Variants in TBC1D32 observed in about 807,000 individuals in gnomAD.
TBC1D32 encodes the protein TBC1 domain family member 32.
TBC1D32 carries 151 observed loss-of-function variants against 170.3 expected under a neutral mutation model. The ratio of observed to expected loss-of-function variants is 0.89; its 90% CI spans 0.78 to 1.01. The LOEUF is 1.01. TBC1D32 is among the 50% of genes least tolerant of loss of function. The pLI, the probability that TBC1D32 is intolerant of heterozygous loss-of-function variation, is 0.00. For missense variants in TBC1D32, 1,464 were observed against 1,457.1 expected (o/e 1.00, Z -0.08); for synonymous variants, 498 against 488.0 (o/e 1.02, Z -0.27).
intron 1 of TBC1D32, among the ~76,000 whole-genome samples, chr6:121,333,111 A>G (rs936476535): frequency 2.0e-5 from 3 of 152,190 alleles, no homozygotes; most frequent in African/African-American, 7.2e-5. Flanking sequence ...GGAGTTCCAG[A>G]TAAGTAGAAC....
intron 9 of TBC1D32, among the ~76,000 whole-genome samples, chr6:121,300,687 A>C (rs1806328193): frequency 1.3e-5 from 2 of 152,316 alleles, no homozygotes; most frequent in South Asian, 2.1e-4. Context: ...AAATTGACAA[A>C]TGGGACCTGA....
At chr6:121,329,755 G>T (rs1484523821) in intron 1 of TBC1D32, among the ~76,000 whole-genome samples, 2 of 151,964 alleles carry the variant, frequency 1.3e-5, no homozygotes, top group Non-Finnish European at 2.9e-5. Flanking sequence ...TTTATTAGTG[G>T]TTATGAATTG....
chr6:121,271,645 T>G (rs2128426045), intron 15 of TBC1D32, among the ~76,000 whole-genome samples: 1 of 152,246 alleles, frequency 6.6e-6, no homozygotes, highest in East Asian at 1.9e-4. Context: ...CATTCCATGG[T>G]CATGGATAGG....
At position 121,200,969 on chromosome 6, in the gene TBC1D32, A is replaced by G. The variant is rs556316066; in HGVS notation, c.2570+4106T>C. On this transcript the variant is annotated intron_variant, in intron 22 of 31. Coordinates refer to ENST00000398212, the MANE Select transcript of TBC1D32 (RefSeq NM_152730.6). ...GGAAAGGTAGAGATACATTAGGGTA[A>G]GACACACAATGGTGTCCAGAATTGC... Among the ~76,000 whole-genome samples, 72 of 151,616 alleles carry G rather than the reference A, an allele frequency of 4.7e-4. 1 individual carries two copies. Among genetic ancestry groups the G allele is most frequent in the African/African-American group, 1.6e-3 (67 of 40,888 alleles).
chr6:121,155,422 T>C (rs942058773), intron 24 of TBC1D32, among the ~76,000 whole-genome samples: 9 of 152,170 alleles, frequency 5.9e-5, no homozygotes, highest in African/African-American at 2.2e-4. Context: ...GTTTTCTATG[T>C]ATAGAATTGT....
chr6:121,191,017 T>A (rs1047479144), intron 22 of TBC1D32, among the ~76,000 whole-genome samples: 1 of 144,554 alleles, frequency 6.9e-6, no homozygotes, highest in Non-Finnish European at 1.5e-5. Flanking sequence ...TTTTACAAAC[T>A]CTAAGCAAAT....
At chr6:121,085,378 T>C (rs901175366) in intron 31 of TBC1D32, among the ~76,000 whole-genome samples, 3 of 147,446 alleles carry the variant, frequency 2.0e-5, no homozygotes, top group African/African-American at 4.9e-5. Flanking sequence ...TATGTGTATA[T>C]ATATATATAT....
At chr6:121,169,567 C>T (rs2651528) in intron 22 of TBC1D32, among the ~76,000 whole-genome samples, 144,501 of 152,236 alleles carry the variant, frequency 0.95, 68,992 homozygotes, top group Non-Finnish European at 1. Context: ...AATTAGGACA[C>T]GCATTATTTC....
At chr6:121,265,048 T>C (rs1800284371) in intron 15 of TBC1D32, among the ~76,000 whole-genome samples, 1 of 152,180 alleles carries the variant, frequency 6.6e-6, no homozygotes, top group Admixed American at 6.5e-5. Flanking sequence ...AACATAGTAT[T>C]GGAAGTTCTG....
intron 9 of TBC1D32, among the ~76,000 whole-genome samples, chr6:121,300,832 C>T (rs1177335952): frequency 6.6e-6 from 1 of 152,062 alleles, no homozygotes; most frequent in African/African-American, 2.4e-5. Flanking sequence ...AAAACTTAAA[C>T]AGATTTAGAA....
chr6:121,194,824 C>G (rs1402590438), intron 22 of TBC1D32, among the ~76,000 whole-genome samples: 1 of 152,160 alleles, frequency 6.6e-6, no homozygotes, highest in African/African-American at 2.4e-5. Context: ...CACACTGGTC[C>G]ATTACACTGA....
chr6:121,207,403 A>G (rs1792414175), intron 21 of TBC1D32, among the ~76,000 whole-genome samples: 1 of 152,014 alleles, frequency 6.6e-6, no homozygotes, highest in South Asian at 2.1e-4. Flanking sequence ...TGTTATAATA[A>G]AAATGATAGA....
chr6:121,210,911 T>G (rs997757400), intron 21 of TBC1D32, among the ~76,000 whole-genome samples: 4 of 152,174 alleles, frequency 2.6e-5, no homozygotes, highest in Non-Finnish European at 5.9e-5. Context: ...ACTGAACTTC[T>G]GACCTACAAA....
At chr6:121,112,743 T>C (rs1354191253) in intron 28 of TBC1D32, 84 bp from the exon 29 acceptor site, 1 of 1,177,842 alleles carries the variant, frequency 8.5e-7, no homozygotes, top group Non-Finnish European at 1.1e-6. Context: ...ATGAATATAT[T>C]AAATAAAAAG....
chr6:121,177,384 T>C (rs1409649209), intron 22 of TBC1D32, among the ~76,000 whole-genome samples: 1 of 152,156 alleles, frequency 6.6e-6, no homozygotes, highest in Non-Finnish European at 1.5e-5. Context: ...CGCTTGCTTC[T>C]CCTTTGCCTT....
At chr6:121,115,141 T>G in intron 27 of TBC1D32, 31 bp downstream of exon 27, 2 of 1,539,858 alleles carry the variant, frequency 1.3e-6, no homozygotes, top group Non-Finnish European at 1.8e-6. Context: ...ATTCTAGAAA[T>G]GCACAAGGGA....
intron 20 of TBC1D32, among the ~76,000 whole-genome samples, chr6:121,235,724 A>G (rs1195518448): frequency 1.3e-5 from 2 of 152,176 alleles, no homozygotes; most frequent in Non-Finnish European, 2.9e-5. Flanking sequence ...CATCTCAGTG[A>G]GCCTGCAGCA....
chr6:121,241,337 G>A, intron 19 of TBC1D32, 128 bp downstream of exon 19: 1 of 736,488 alleles, frequency 1.4e-6, no homozygotes, highest in Non-Finnish European at 2.2e-6. Flanking sequence ...TTTTACATAA[G>A]GTCTAACTTA....
chr6:121,263,537 C>T (rs546310801), intron 15 of TBC1D32, among the ~76,000 whole-genome samples: 24 of 151,972 alleles, frequency 1.6e-4, no homozygotes, highest in Admixed American at 6.6e-4. Context: ...GGGGTATTAA[C>T]GAGACAGAAA....
Sources: gnomAD v4.1 joint callset for allele counts (sites outside exome capture counted in the v4.1 genomes callset) on GRCh38, gnomAD v4.1.1 for gene constraint, MANE v1.5 for transcripts, NCBI Gene and HGNC (gene_info 2026-07-23, HGNC 2026-07-21) for gene names.